Variants in NSF observed in about 807,000 individuals in gnomAD.
NSF encodes vesicle-fusing ATPase.
NSF carries 14 observed loss-of-function variants against 50.3 expected under a neutral mutation model. The observed-to-expected ratio is 0.28, with a 90% confidence interval of 0.18 to 0.44. The LOEUF (loss-of-function observed/expected upper bound fraction) is 0.44, where lower values mean the gene tolerates loss of function less well. Among genes scored for constraint, NSF ranks in the 20% least tolerant of loss-of-function variants. The pLI, the probability that NSF is intolerant of heterozygous loss-of-function variation, is 1.00. For synonymous variants in NSF, 109 were observed against 175.7 expected (o/e 0.62, Z 3.00); for missense variants, 218 against 504.3 (o/e 0.43, Z 5.44).
intron 9 of NSF, among the ~76,000 whole-genome samples, chr17:46,690,624 A>AAAATATAT (rs1381328687): frequency 9.0e-6 from 1 of 110,976 alleles, no homozygotes; most frequent in Non-Finnish European, 1.8e-5. Context: ...AAAAAAAAAA[A>AAAATATAT]ATATATATAT....
intron 14 of NSF, among the ~76,000 whole-genome samples, chr17:46,712,045 A>ACAT (rs2058724817): frequency 6.6e-6 from 1 of 152,212 alleles, no homozygotes; most frequent in Non-Finnish European, 1.5e-5. Flanking sequence ...CAGTGAAGCC[A>ACAT]CATCATCATC....
chr17:46,755,355 A>C lies in NSF; in HGVS notation c.2199A>C (p.Leu733Phe). Residue 733 changes from leucine to phenylalanine, a missense_variant, in exon 20 of 21, where the codon TTA becomes TTC. Around this residue, in one of 2 missense-constraint regions of NSF, gnomAD observed 209 missense variants for 320.9 expected, o/e 0.65. Transcript: ENST00000398238. Reference protein sequence around the residue: ...EYRVRKFLALLREEGASPLDF... With the variant: ...EYRVRKFLALFREEGASPLDF... ...GTGTGAGAAAATTCTTGGCCCTCTT[A>C]AGAGAAGAAGGAGCGTAAGTACATA... The C allele has an allele frequency of 5.6e-6, 9 of 1,613,480 alleles. No individual in the cohort carries two copies. Among genetic ancestry groups the C allele is most frequent in the Non-Finnish European group, 7.6e-6 (9 of 1,179,338 alleles).
At chr17:46,711,535 G>T (rs747281844) in intron 14 of NSF, among the ~76,000 whole-genome samples, 1 of 152,214 alleles carries the variant, frequency 6.6e-6, no homozygotes, top group Admixed American at 6.5e-5. Flanking sequence ...TACGGTGTAT[G>T]TGTGTAAAGG....
intron 9 of NSF, among the ~76,000 whole-genome samples, chr17:46,678,575 C>G (rs2058423935): frequency 7.1e-6 from 1 of 141,612 alleles, no homozygotes. Context: ...GAGGATGAAT[C>G]AAAATCAGGA....
chr17:46,633,322 GT>G (rs1255823792), intron 4 of NSF, among the ~76,000 whole-genome samples: 4 of 88,194 alleles, frequency 4.5e-5, no homozygotes, highest in Non-Finnish European at 4.9e-5. Flanking sequence ...TTGTTTTTTT[GT>G]TTTTTTTTTG....
At chr17:46,688,356 A>G (rs2058512483) in intron 9 of NSF, among the ~76,000 whole-genome samples, 1 of 146,798 alleles carries the variant, frequency 6.8e-6, no homozygotes, top group African/African-American at 2.6e-5. Context: ...AAAAATAAAA[A>G]TAAAAATAAA....
chr17:46,750,603 A>G (rs1366815027), intron 18 of NSF, among the ~76,000 whole-genome samples: 1 of 152,218 alleles, frequency 6.6e-6, no homozygotes, highest in Non-Finnish European at 1.5e-5. Flanking sequence ...AGAAAGATGA[A>G]TATACATGAC....
intron 17 of NSF, among the ~76,000 whole-genome samples, chr17:46,733,583 A>G (rs2058971665): frequency 6.6e-6 from 1 of 152,144 alleles, no homozygotes; most frequent in Admixed American, 6.5e-5. Flanking sequence ...GTGCTTCCCA[A>G]CCTTTTTAGA....
At chr17:46,679,076 A>G (rs1309081746) in intron 9 of NSF, among the ~76,000 whole-genome samples, 2 of 152,086 alleles carry the variant, frequency 1.3e-5, no homozygotes, top group African/African-American at 4.8e-5. Context: ...TACCTAAAGT[A>G]TAGTGTTTAA....
chr17:46,667,374 T>C (rs1397940313), intron 8 of NSF, among the ~76,000 whole-genome samples: 1 of 147,706 alleles, frequency 6.8e-6, no homozygotes, highest in Admixed American at 6.9e-5. Flanking sequence ...ACACTGTCCT[T>C]TAACCTGAGA....
At chr17:46,685,287 A>T (rs2058486769) in intron 9 of NSF, among the ~76,000 whole-genome samples, 1 of 148,634 alleles carries the variant, frequency 6.7e-6, no homozygotes, top group African/African-American at 2.5e-5. Context: ...TACTGATGAT[A>T]AAATTGAGTT....
chr17:46,622,241 A>G (rs1419392750), intron 1 of NSF, among the ~76,000 whole-genome samples: 1 of 143,412 alleles, frequency 7.0e-6, no homozygotes, highest in Non-Finnish European at 1.5e-5. Context: ...GTGGATCACA[A>G]GGTCAGGAGA....
intron 1 of NSF, among the ~76,000 whole-genome samples, chr17:46,603,701 A>AT: frequency 1.1e-4 from 1 of 8,780 alleles, no homozygotes; most frequent in African/African-American, 1.9e-4. Flanking sequence ...ATTCTAGATA[A>AT]TTTTTTTTTG....
At chr17:46,730,512 A>T (rs924155742) in intron 17 of NSF, among the ~76,000 whole-genome samples, 1 of 152,196 alleles carries the variant, frequency 6.6e-6, no homozygotes, top group Admixed American at 6.5e-5. Flanking sequence ...TTAACGAATG[A>T]TCTGCCACAC....
intron 17 of NSF, among the ~76,000 whole-genome samples, chr17:46,735,309 G>A (rs2058990304): frequency 6.6e-6 from 1 of 152,076 alleles, no homozygotes; most frequent in Non-Finnish European, 1.5e-5. Flanking sequence ...TTGCTAGAAT[G>A]TATTCTTCCA....
intron 17 of NSF, among the ~76,000 whole-genome samples, chr17:46,747,956 T>C (rs1055204857): frequency 6.6e-5 from 10 of 152,182 alleles, no homozygotes; most frequent in Admixed American, 6.5e-4. Context: ...TATGTAGTTT[T>C]CAAATTGCAG....
chr17:46,690,646 A>G (rs1468597632), intron 9 of NSF, among the ~76,000 whole-genome samples: 1 of 115,268 alleles, frequency 8.7e-6, no homozygotes, highest in South Asian at 2.8e-4. Context: ...TATATATTGT[A>G]TAGGGATGGG....
At chr17:46,743,427 C>T (rs577770795) in intron 17 of NSF, among the ~76,000 whole-genome samples, 22 of 152,304 alleles carry the variant, frequency 1.4e-4, no homozygotes, top group Middle Eastern at 3.4e-3. Flanking sequence ...GAATCTCCAC[C>T]TCACACTCTA....
chr17:46,740,130 T>A (rs1468135113), intron 17 of NSF, among the ~76,000 whole-genome samples: 1 of 151,988 alleles, frequency 6.6e-6, no homozygotes, highest in Non-Finnish European at 1.5e-5. Flanking sequence ...GTACTAGGAG[T>A]GAGAGGATTT....
Sources: gnomAD v4.1 joint callset for allele counts (sites outside exome capture counted in the v4.1 genomes callset) on GRCh38, gnomAD v4.1.1 for gene constraint, gnomAD v4.1.1 regional missense constraint, MANE v1.5 for transcripts, NCBI Gene and HGNC (gene_info 2026-07-23, HGNC 2026-07-21) for gene names.